MLPH: variants seen among roughly 807,000 people sequenced by gnomAD.
The protein encoded by MLPH is melanophilin, also known as exophilin-3.
Under a neutral mutation model 72.1 loss-of-function variants are expected in MLPH, and 51 were observed. That is an observed-to-expected ratio of 0.71 (90% CI 0.56 to 0.89). The LOEUF (loss-of-function observed/expected upper bound fraction) is 0.89. MLPH is among the 40% of genes least tolerant of loss of function. The pLI is 0.00. For missense variants in MLPH, 743 were observed against 759.9 expected (o/e 0.98, Z 0.26); for synonymous variants, 301 against 310.1 (o/e 0.97, Z 0.31).
chr2:237,525,714 C>T lies in MLPH; in HGVS notation c.789C>T (p.Thr263=). 2 of 1,614,158 alleles carry T rather than the reference C, an allele frequency of 1.2e-6. No homozygotes were observed. Among genetic ancestry groups the T allele is most frequent in the Non-Finnish European group, 1.7e-6 (2 of 1,180,034 alleles). The change falls in exon 7 of 16, where the codon ACC becomes ACT. Residue 263 remains threonine, a synonymous_variant. Transcript: ENST00000264605. ...GCHSHPEEQP[T]SISPSRHGAL... ...ACTCCCATCCGGAAGAGCAGCCGAC[C>T]AGCATCTCACCTTCCAGACACGGCG...
At chr2:237,511,892 T>C (rs973828850) in intron 4 of MLPH, among the ~76,000 whole-genome samples, 7 of 152,116 alleles carry the variant, frequency 4.6e-5, no homozygotes, top group African/African-American at 1.7e-4. Context: ...GGGGGGTCTT[T>C]TGCATTTGAG....
At chr2:237,518,692 A>T in intron 5 of MLPH, 44 bp downstream of exon 5, 1 of 1,481,294 alleles carries the variant, frequency 6.8e-7, no homozygotes. Context: ...CCTCGATTCC[A>T]TCCCGCAGCT....
At chr2:237,514,200 T>C (rs1574855153) in intron 4 of MLPH, among the ~76,000 whole-genome samples, 1 of 152,126 alleles carries the variant, frequency 6.6e-6, no homozygotes, top group African/African-American at 2.4e-5. Flanking sequence ...GGCGGGATGC[T>C]CTCTGGAGTG....
intron 2 of MLPH, among the ~76,000 whole-genome samples, chr2:237,497,207 A>G (rs185342897): frequency 1.1e-3 from 160 of 152,326 alleles, no homozygotes; most frequent in Middle Eastern, 3.4e-3. Flanking sequence ...CAGGCGGGAA[A>G]TGCTCTCTTA....
chr2:237,541,027 C>T lies in MLPH; in HGVS notation c.1446+70C>T, dbSNP rs2080670380. ...ATGGTGACCACACCCAGGCCTTGAA[C>T]ATCTGCCAGCTCTAACATCCGCCAG... On this transcript the variant is annotated intron_variant, in intron 11 of 15. Coordinates refer to ENST00000264605, the MANE Select transcript of MLPH (RefSeq NM_024101.7). This position sits in a 1 kb window ranked among gnomAD's most constrained non-coding sequence, Gnocchi z 5.1. 1 of 1,532,830 alleles carries T rather than the reference C, an allele frequency of 6.5e-7. No homozygotes were observed. The highest frequency in any genetic ancestry group is 2.4e-5 in the East Asian group (1 of 41,566). The allele number at this position is 1,532,830 out of a possible 1,614,324, so 95.0% of individuals were successfully genotyped here.
At chr2:237,491,951 C>A (rs1451276467) in intron 1 of MLPH, among the ~76,000 whole-genome samples, 2 of 152,156 alleles carry the variant, frequency 1.3e-5, no homozygotes, top group Non-Finnish European at 2.9e-5. Flanking sequence ...TGAGTCTCCC[C>A]TAGAGCTTTG....
chr2:237,535,689 G>A (rs2080516783), intron 9 of MLPH, among the ~76,000 whole-genome samples: 1 of 152,156 alleles, frequency 6.6e-6, no homozygotes, highest in East Asian at 1.9e-4. Flanking sequence ...AGCCTTCTGG[G>A]CCACACAGAC....
At chr2:237,514,225 T>G (rs1182491422) in intron 4 of MLPH, among the ~76,000 whole-genome samples, 1 of 152,146 alleles carries the variant, frequency 6.6e-6, no homozygotes, top group Non-Finnish European at 1.5e-5. Context: ...TCTTATGACC[T>G]AAAGTCAAAC....
chr2:237,533,784 T>G (rs1450076518), intron 8 of MLPH, among the ~76,000 whole-genome samples: 1 of 152,180 alleles, frequency 6.6e-6, no homozygotes, highest in Non-Finnish European at 1.5e-5. Context: ...TGGGCCGAGG[T>G]CTAACTGAAA....
chr2:237,500,660 A>T (rs2079626696), intron 2 of MLPH, among the ~76,000 whole-genome samples: 1 of 152,012 alleles, frequency 6.6e-6, no homozygotes, highest in Non-Finnish European at 1.5e-5. Flanking sequence ...AGCATGTCCA[A>T]AACAGAAGTT....
At chr2:237,524,641 C>A (rs2080262742) in intron 6 of MLPH, among the ~76,000 whole-genome samples, 4 of 152,162 alleles carry the variant, frequency 2.6e-5, no homozygotes, top group Admixed American at 2.6e-4. Context: ...ACAGACACAG[C>A]CAGGAACAAT....
Position 237,527,522 on chromosome 2 carries a change from G to A in MLPH, c.1020+6G>A, listed in dbSNP as rs372764270. On this transcript the variant is annotated splice_donor_region_variant and intron_variant, in intron 8 of 15. Transcript: ENST00000264605. ...GGGCGTCTTCTGAGAGTCAGGTAACGGTGGCTGGAAAGACTTCTGTCTTGT... is the reference window on the plus strand; with the variant it reads ...GGGCGTCTTCTGAGAGTCAGGTAACAGTGGCTGGAAAGACTTCTGTCTTGT... 43 of 1,613,954 alleles carry A rather than the reference G, an allele frequency of 2.7e-5. No homozygotes were observed. Among genetic ancestry groups the A allele is most frequent in the African/African-American group, 8.0e-5 (6 of 74,896 alleles).
chr2:237,515,366 GCCCTGCTGTCCC>G, intron 4 of MLPH, among the ~76,000 whole-genome samples: 1 of 152,246 alleles, frequency 6.6e-6, no homozygotes, highest in South Asian at 2.1e-4. Context: ...GAAGAGCCAG[GCCCTGCTGTCCC>G]CACTTGGGGA....
rs770451906 is a variant in MLPH at position 237,534,531 on chromosome 2, C to G, written c.1021-33C>G. 2.2e-5 allele frequency: 34 copies of G among 1,578,350 alleles called. No individual in the cohort carries two copies. The East Asian group carries it at 7.2e-4, about 33-fold the overall frequency. ...TCTTGCTGGTTGGAGTGCACTGGGTCCTCTGCCCACTGTTTCTCTCCTTCT... is the reference window on the plus strand; with the variant it reads ...TCTTGCTGGTTGGAGTGCACTGGGTGCTCTGCCCACTGTTTCTCTCCTTCT... On this transcript the variant is annotated intron_variant, in intron 8 of 15. Transcript: ENST00000264605.
intron 14 of MLPH, among the ~76,000 whole-genome samples, chr2:237,549,493 AG>A (rs1455138120): frequency 6.6e-6 from 1 of 152,150 alleles, no homozygotes; most frequent in East Asian, 1.9e-4. Context: ...AAGCGTGCAA[AG>A]GGGGCCCTGG....
At chr2:237,501,064 T>C (rs1185517066) in intron 2 of MLPH, among the ~76,000 whole-genome samples, 2 of 152,092 alleles carry the variant, frequency 1.3e-5, no homozygotes, top group East Asian at 3.9e-4. Flanking sequence ...TCCTCACCCC[T>C]GCTCACCGTG....
Position 237,519,322 on chromosome 2 carries a change from C to T in MLPH, c.556-588C>T, listed in dbSNP as rs1014651565. On this transcript the variant is annotated intron_variant, in intron 5 of 15. Coordinates refer to ENST00000264605, the MANE Select transcript of MLPH (RefSeq NM_024101.7). Reference sequence around the variant, plus strand: ...CTCTTTGCGGCTGCTGTGAGGGGAACGTCATCATCTTTCGTTTGAGAACAT... The same window carrying T: ...CTCTTTGCGGCTGCTGTGAGGGGAATGTCATCATCTTTCGTTTGAGAACAT... Among the ~76,000 whole-genome samples the T allele has an allele frequency of 4.6e-5, 7 of 152,204 alleles. No homozygotes were observed. In the East Asian group the frequency reaches 7.7e-4, roughly 17 times the overall value.
At chr2:237,511,989 G>A (rs72988135) in intron 4 of MLPH, among the ~76,000 whole-genome samples, 15 of 152,304 alleles carry the variant, frequency 9.8e-5, no homozygotes, top group Non-Finnish European at 1.6e-4. Flanking sequence ...CACTAAGCCC[G>A]GCCAAGCATT....
rs1423039679 is a variant in MLPH, at chr2:237,512,382, C to A, written c.445+1281C>A. ...AGGCCACGGAGAGGCACCGCTGGAG[C>A]AGTACACCGCACACCACAGGGTGGC... On this transcript the variant is annotated intron_variant, in intron 4 of 15. Transcript: ENST00000264605. This position sits in a 1 kb window ranked among gnomAD's most constrained non-coding sequence, Gnocchi z 5.5. Among the ~76,000 whole-genome samples the A allele has an allele frequency of 6.6e-6, 1 of 152,172 alleles. No homozygotes were observed. Among genetic ancestry groups the A allele is most frequent in the Admixed American group, 6.5e-5 (1 of 15,272 alleles).
Sources: allele counts gnomAD v4.1 joint callset (sites outside exome capture counted in the v4.1 genomes callset), GRCh38; gene constraint gnomAD v4.1.1; non-coding constraint Gnocchi (gnomAD v3.1); transcripts MANE v1.5; gene names NCBI Gene and HGNC (gene_info 2026-07-23, HGNC 2026-07-21).